The following CNTNAP2 variants were observed in gnomAD, a reference collection of about 807,000 sequenced individuals.
The protein encoded by CNTNAP2 is contactin-associated protein-like 2.
Under a neutral mutation model 155.2 loss-of-function variants are expected in CNTNAP2, and 98 were observed. The ratio of observed to expected loss-of-function variants is 0.63; its 90% CI spans 0.54 to 0.75. The LOEUF (loss-of-function observed/expected upper bound fraction) is 0.75. CNTNAP2 is among the 30% of genes least tolerant of loss of function. The probability of loss-of-function intolerance (pLI) is 0.00; values close to 1 mark genes in which losing one functional copy is unlikely to be tolerated. For missense variants in CNTNAP2, 1,727 were observed against 1,688.1 expected, an observed-to-expected ratio of 1.02 and a Z score of -0.40; for synonymous variants, 651 against 631.2, an observed-to-expected ratio of 1.03 and a Z score of -0.47.
chr7:148,326,463 A>G (rs1031394934), intron 21 of CNTNAP2, among the ~76,000 whole-genome samples: 16 of 152,164 alleles, frequency 1.1e-4, no homozygotes, highest in South Asian at 2.1e-4. Context: ...CCATCTTGCC[A>G]TCTCACTCCT....
At chr7:146,366,659 C>T (rs1407837793) in intron 1 of CNTNAP2, among the ~76,000 whole-genome samples, 4 of 152,132 alleles carry the variant, frequency 2.6e-5, no homozygotes, top group African/African-American at 9.7e-5. Context: ...CCATCAAGGG[C>T]TCCACCTGTC....
chr7:146,523,106 A>G (rs947709933), intron 1 of CNTNAP2, among the ~76,000 whole-genome samples: 14 of 152,120 alleles, frequency 9.2e-5, no homozygotes, highest in African/African-American at 3.4e-4. Context: ...TGAGCAGTAT[A>G]TACTGCACCA....
chr7:147,022,549 G>A (rs1798834671), intron 3 of CNTNAP2, among the ~76,000 whole-genome samples: 1 of 149,878 alleles, frequency 6.7e-6, no homozygotes, highest in Non-Finnish European at 1.5e-5. Context: ...ATGTGTTTAT[G>A]TACTATACAT....
intron 4 of CNTNAP2, among the ~76,000 whole-genome samples, chr7:147,080,437 A>T (rs1800099230): frequency 6.6e-6 from 1 of 152,090 alleles, no homozygotes; most frequent in Non-Finnish European, 1.5e-5. Flanking sequence ...TGATTAAGTG[A>T]AGAGACTTAA....
chr7:148,250,912 A>G (rs1796353412), intron 20 of CNTNAP2, among the ~76,000 whole-genome samples: 2 of 152,268 alleles, frequency 1.3e-5, no homozygotes, highest in Admixed American at 1.3e-4. Flanking sequence ...CAGTCACACA[A>G]TCACAGCTCA....
At chr7:148,226,594 A>G (rs914987155) in intron 19 of CNTNAP2, among the ~76,000 whole-genome samples, 1 of 151,752 alleles carries the variant, frequency 6.6e-6, no homozygotes, top group Admixed American at 6.6e-5. Flanking sequence ...ATGGAGTTTA[A>G]CGGGTATATG....
intron 18 of CNTNAP2, among the ~76,000 whole-genome samples, chr7:148,178,351 A>T (rs1184470543): frequency 6.6e-6 from 1 of 152,178 alleles, no homozygotes; most frequent in Non-Finnish European, 1.5e-5. Flanking sequence ...TCATTTGTTT[A>T]TTGCTTAGAA....
At chr7:146,777,468 G>A (rs993021596) in intron 2 of CNTNAP2, among the ~76,000 whole-genome samples, 2 of 152,118 alleles carry the variant, frequency 1.3e-5, no homozygotes, top group African/African-American at 2.4e-5. Context: ...TGTTGGCCAC[G>A]TAAATGTGGG....
intron 21 of CNTNAP2, among the ~76,000 whole-genome samples, chr7:148,379,364 T>C (rs1394598634): frequency 6.6e-6 from 1 of 152,090 alleles, no homozygotes; most frequent in African/African-American, 2.4e-5. Context: ...TGCATTTAAA[T>C]AATCTCAAAG....
At chr7:147,150,453 GA>G (rs548355326) in intron 8 of CNTNAP2, among the ~76,000 whole-genome samples, 1 of 151,682 alleles carries the variant, frequency 6.6e-6, no homozygotes, top group South Asian at 2.1e-4. Flanking sequence ...GAAGATAATA[GA>G]AAAAAAAGTA....
chr7:148,399,499 C>A (rs1173122561), intron 22 of CNTNAP2, among the ~76,000 whole-genome samples: 2 of 152,168 alleles, frequency 1.3e-5, no homozygotes, highest in African/African-American at 4.8e-5. Context: ...TAAATGCCAA[C>A]ATCCCAATAT....
intron 21 of CNTNAP2, among the ~76,000 whole-genome samples, chr7:148,374,971 A>G (rs555925909): frequency 6.6e-6 from 1 of 152,298 alleles, no homozygotes; most frequent in Non-Finnish European, 1.5e-5. Flanking sequence ...AGAGCTTGTT[A>G]TTCTTAGCCC....
At chr7:146,857,849 A>C (rs1585125174) in intron 3 of CNTNAP2, among the ~76,000 whole-genome samples, 1 of 152,222 alleles carries the variant, frequency 6.6e-6, no homozygotes, top group Non-Finnish European at 1.5e-5. Context: ...AAAGATGTAC[A>C]CATAGAACAC....
At chr7:146,680,729 G>T (rs1381390197) in intron 1 of CNTNAP2, among the ~76,000 whole-genome samples, 2 of 152,174 alleles carry the variant, frequency 1.3e-5, no homozygotes, top group Non-Finnish European at 2.9e-5. Flanking sequence ...TTTCTGCAGT[G>T]TGCAGATGAT....
chr7:146,941,924 CTCTT>C (rs1319885267), intron 3 of CNTNAP2, among the ~76,000 whole-genome samples: 1 of 151,824 alleles, frequency 6.6e-6, no homozygotes, highest in African/African-American at 2.4e-5. Context: ...TCAGAATTCT[CTCTT>C]TGTCTTCAAT....
chr7:148,035,281 G>C (rs1802552560), intron 15 of CNTNAP2, among the ~76,000 whole-genome samples: 1 of 152,188 alleles, frequency 6.6e-6, no homozygotes, highest in Non-Finnish European at 1.5e-5. Context: ...TATCAAGACA[G>C]TGGGAGAATT....
chr7:146,354,028 T>C (rs544832405), intron 1 of CNTNAP2, among the ~76,000 whole-genome samples: 3 of 152,346 alleles, frequency 2.0e-5, no homozygotes, highest in South Asian at 4.1e-4. Flanking sequence ...CTAACTTAAA[T>C]TGAGGAAACT....
chr7:147,967,901 G>GA (rs539170705), intron 14 of CNTNAP2, among the ~76,000 whole-genome samples: 26 of 150,342 alleles, frequency 1.7e-4, no homozygotes, highest in African/African-American at 5.1e-4. Context: ...CCCAATTACA[G>GA]AAAAAAAAAG....
intron 13 of CNTNAP2, among the ~76,000 whole-genome samples, chr7:147,818,926 C>T (rs1339832340): frequency 6.6e-6 from 1 of 152,096 alleles, no homozygotes; most frequent in Non-Finnish European, 1.5e-5. Flanking sequence ...TAATATCCTT[C>T]AAGGTAAATT....
Sources: allele counts gnomAD v4.1 joint callset (sites outside exome capture counted in the v4.1 genomes callset), GRCh38; gene constraint gnomAD v4.1.1; transcripts MANE v1.5; gene names NCBI Gene and HGNC (gene_info 2026-07-23, HGNC 2026-07-21).